HIKESHI: variants seen among roughly 807,000 people sequenced by gnomAD.
HIKESHI encodes the protein protein Hikeshi.
Under a neutral mutation model 25.7 loss-of-function variants are expected in HIKESHI, and 13 were observed. The observed-to-expected ratio is 0.51, with a 90% CI of 0.33 to 0.80. HIKESHI has a LOEUF of 0.80. Among genes scored for constraint, HIKESHI ranks in the 30% least tolerant of loss-of-function variants. The probability of loss-of-function intolerance (pLI) is 0.02; values close to 1 mark genes in which losing one functional copy is unlikely to be tolerated. For missense variants in HIKESHI, 174 were observed against 229.5 expected (o/e 0.76, Z 1.56); for synonymous variants, 76 against 78.7 (o/e 0.97, Z 0.18).
intron 2 of HIKESHI, among the ~76,000 whole-genome samples, chr11:86,316,436 C>A (rs1335980071): frequency 6.6e-6 from 1 of 152,002 alleles, no homozygotes; most frequent in African/African-American, 2.4e-5. Flanking sequence ...CGCTTGAACT[C>A]GGGAGGTGGA....
chr11:86,310,500 A>G (rs142792180), intron 2 of HIKESHI, among the ~76,000 whole-genome samples: 13,417 of 152,166 alleles, frequency 0.088, 905 homozygotes, highest in African/African-American at 0.18. Flanking sequence ...ACACAATGTC[A>G]TCTGCAAACA....
Position 86,344,727 on chromosome 11 carries a change from A to C in HIKESHI, c.539+6A>C. Reference sequence around the variant, plus strand: ...GCAAATGTGGTTCTGAAATGGTATGAGGCATTTTCTGTCTCCAATATTAAG... The same window carrying C: ...GCAAATGTGGTTCTGAAATGGTATGCGGCATTTTCTGTCTCCAATATTAAG... On this transcript the variant is annotated splice_donor_region_variant and intron_variant, in intron 4 of 4. Coordinates refer to ENST00000278483, the MANE Select transcript of HIKESHI (RefSeq NM_016401.4). 1 of 1,556,664 alleles carries C rather than the reference A, an allele frequency of 6.4e-7. No homozygotes were observed. The highest frequency in any genetic ancestry group is 8.9e-7 in the Non-Finnish European group (1 of 1,128,156).
chr11:86,331,699 A>G (rs1947428441), intron 2 of HIKESHI, among the ~76,000 whole-genome samples: 2 of 152,202 alleles, frequency 1.3e-5, no homozygotes, highest in South Asian at 4.1e-4. Flanking sequence ...TATCAGATAA[A>G]TTATATTTTT....
chr11:86,322,427 A>G (rs1401964069), intron 2 of HIKESHI, among the ~76,000 whole-genome samples: 1 of 151,350 alleles, frequency 6.6e-6, no homozygotes, highest in African/African-American at 2.4e-5. Flanking sequence ...ATGTATATAT[A>G]TGTGTATATG....
intron 2 of HIKESHI, among the ~76,000 whole-genome samples, chr11:86,329,600 T>C (rs1401220086): frequency 6.6e-6 from 1 of 151,862 alleles, no homozygotes; most frequent in Non-Finnish European, 1.5e-5. Flanking sequence ...CTTTTTGCCT[T>C]ATGGTATTGT....
intron 2 of HIKESHI, among the ~76,000 whole-genome samples, chr11:86,330,992 A>C (rs1440572227): frequency 6.6e-6 from 1 of 152,216 alleles, no homozygotes; most frequent in Admixed American, 6.5e-5. Context: ...CTGGTTGTAT[A>C]ATCTTAACCA....
At chr11:86,319,738 C>T (rs1347779993) in intron 2 of HIKESHI, among the ~76,000 whole-genome samples, 1 of 152,128 alleles carries the variant, frequency 6.6e-6, no homozygotes, top group Non-Finnish European at 1.5e-5. Flanking sequence ...TGTATTCTCT[C>T]TTCTCCATTT....
chr11:86,312,512 A>G (rs1194447545), intron 2 of HIKESHI, among the ~76,000 whole-genome samples: 1 of 150,640 alleles, frequency 6.6e-6, no homozygotes, highest in African/African-American at 2.5e-5. Context: ...CTCTTTATCC[A>G]ATTTGCCAGC....
At chr11:86,315,710 C>T (rs1256106541) in intron 2 of HIKESHI, among the ~76,000 whole-genome samples, 6 of 152,066 alleles carry the variant, frequency 3.9e-5, no homozygotes, top group African/African-American at 7.2e-5. Context: ...AACTACTTAC[C>T]GGAGGTAGTT....
chr11:86,320,072 C>A (rs79747588), intron 2 of HIKESHI, among the ~76,000 whole-genome samples: 4,834 of 152,058 alleles, frequency 0.032, 247 homozygotes, highest in African/African-American at 0.11. Context: ...TATGAATGTT[C>A]AAAAATGAGT....
rs972360412 is a variant in HIKESHI, at chr11:86,319,236, A to T, written c.268+12754A>T. Among the ~76,000 whole-genome samples, 214 of 82,958 alleles carry T rather than the reference A, an allele frequency of 2.6e-3. 1 individual carries two copies. Among genetic ancestry groups the T allele is most frequent in the South Asian group, 0.014 (31 of 2,208 alleles). 54.4% of individuals were successfully genotyped at this position (82,958 alleles called of 152,430 possible). On this transcript the variant is annotated intron_variant, in intron 2 of 4. Coordinates refer to ENST00000278483, the MANE Select transcript of HIKESHI (RefSeq NM_016401.4). ...CTTAAAAATATATATATATATATAT[A>T]TATATATTTTTTTTTTTTTTGAGAC...
chr11:86,336,285 G>A (rs567425619), intron 2 of HIKESHI, among the ~76,000 whole-genome samples: 4 of 152,292 alleles, frequency 2.6e-5, no homozygotes, highest in East Asian at 1.9e-4. Context: ...ATGGAAAGGC[G>A]GGAGGGCTGG....
chr11:86,307,412 CAA>C (rs1491324067), intron 2 of HIKESHI, among the ~76,000 whole-genome samples: 1 of 84,638 alleles, frequency 1.2e-5, no homozygotes, highest in African/African-American at 4.3e-5. Context: ...CATTATATAT[CAA>C]TATATTATGT....
intron 2 of HIKESHI, among the ~76,000 whole-genome samples, chr11:86,313,963 G>A (rs1946904272): frequency 6.6e-6 from 1 of 152,186 alleles, no homozygotes. Context: ...CAGGGTATAT[G>A]TGAGAAAGAT....
Position 86,306,472 on chromosome 11 carries a change from T to G in HIKESHI, c.258T>G (p.Gly86=). The G allele has an allele frequency of 6.3e-7, 1 of 1,594,502 alleles. No individual in the cohort carries two copies. Among genetic ancestry groups the G allele is most frequent in the Non-Finnish European group, 8.6e-7 (1 of 1,162,706 alleles). Residue 86 remains glycine (G), a synonymous_variant, in exon 2 of 5, where the codon GGT becomes GGG. Coordinates refer to ENST00000278483, the MANE Select transcript of HIKESHI (RefSeq NM_016401.4). ...GKPSAIFKIS[G]LKSGEGSQHP... Reference sequence around the variant, plus strand: ...CAAGTGCCATCTTCAAAATTTCAGGTCTTAAATCTGGTAAGAATAATATAT... The same window carrying G: ...CAAGTGCCATCTTCAAAATTTCAGGGCTTAAATCTGGTAAGAATAATATAT...
chr11:86,302,950 C>G (rs1410208489), intron 1 of HIKESHI, among the ~76,000 whole-genome samples: 5 of 152,066 alleles, frequency 3.3e-5, no homozygotes, highest in African/African-American at 1.2e-4. Context: ...GATTAAGGTG[C>G]TCAGGGAATG....
At chr11:86,320,759 C>T (rs1434264916) in intron 2 of HIKESHI, among the ~76,000 whole-genome samples, 1 of 152,140 alleles carries the variant, frequency 6.6e-6, no homozygotes, top group Non-Finnish European at 1.5e-5. Context: ...ACCTCTTCTC[C>T]ACTCTAGGCA....
chr11:86,312,408 G>T (rs1185880262), intron 2 of HIKESHI, among the ~76,000 whole-genome samples: 1 of 151,938 alleles, frequency 6.6e-6, no homozygotes, highest in Non-Finnish European at 1.5e-5. Context: ...TTTTCCATTT[G>T]CTTGGTAGAT....
intron 2 of HIKESHI, among the ~76,000 whole-genome samples, chr11:86,334,236 A>ATGTGTGTGTG (rs60951435): frequency 0.06 from 8,756 of 146,952 alleles, 332 homozygotes; most frequent in East Asian, 0.14. Context: ...TTTGTAAAAT[A>ATGTGTGTGTG]TGTGTGTGTG....
Sources: gnomAD v4.1 joint callset for allele counts (sites outside exome capture counted in the v4.1 genomes callset) on GRCh38, gnomAD v4.1.1 for gene constraint, MANE v1.5 for transcripts, NCBI Gene and HGNC (gene_info 2026-07-23, HGNC 2026-07-21) for gene names.